USP22: variants seen among roughly 807,000 people sequenced by gnomAD.
USP22 encodes ubiquitin specific peptidase 22, also known as ubiquitin carboxyl-terminal hydrolase 22.
In USP22, 22 loss-of-function variants were observed where a neutral mutation model predicts 68.1. The observed-to-expected ratio is 0.32, with a 90% CI of 0.23 to 0.46. The LOEUF (loss-of-function observed/expected upper bound fraction) is 0.46, where lower values mean the gene tolerates loss of function less well. USP22 is among the 20% of genes least tolerant of loss of function. USP22 has a pLI of 1.00. For missense variants in USP22, 433 were observed against 695.8 expected, an observed-to-expected ratio of 0.62 and a Z score of 4.25; for synonymous variants, 279 against 274.2, an observed-to-expected ratio of 1.02 and a Z score of -0.17.
chr17:21,019,872 C>A (rs1317649409), intron 3 of USP22, among the ~76,000 whole-genome samples: 1 of 152,224 alleles, frequency 6.6e-6, no homozygotes, highest in African/African-American at 2.4e-5. Flanking sequence ...TAGGCCCGTG[C>A]TTTAAGTGCT....
In USP22 at chr17:21,018,062, G is replaced by C; in HGVS notation, c.570C>G (p.Ile190Met). The change falls in exon 5 of 13, where the codon ATC becomes ATG. Residue 190 changes from isoleucine (I) to methionine (M), a missense_variant. By Grantham distance (10) the Ile-to-Met change is conservative (BLOSUM62 1). Around this residue, in one of 4 missense-constraint regions of USP22, gnomAD observed 144 missense variants for 237.2 expected, o/e 0.61. Coordinates refer to ENST00000261497, the MANE Select transcript of USP22 (RefSeq NM_015276.2). ...NLGNTCFMNCIVQALTHTPLL... is the reference protein window; with the variant it reads ...NLGNTCFMNCMVQALTHTPLL... ...GTGGCGTGTGGGTCAGGGCCTGCAC[G>C]ATGCAGTTCATGAAGCATGTGTTCC... is the stretch of plus-strand genomic sequence containing the variant. The C allele has an allele frequency of 6.2e-7, 1 of 1,612,186 alleles. No individual in the cohort carries two copies.
rs1263130512 is a variant in USP22, at chr17:21,018,093, T to C, written c.539A>G (p.Asn180Ser). Residue 180 changes from asparagine to serine, a missense_variant, in exon 5 of 13, where the codon AAC (asparagine) becomes AGC (serine). Around this residue, in one of 4 missense-constraint regions of USP22, gnomAD observed 144 missense variants for 237.2 expected, o/e 0.61. Coordinates refer to ENST00000261497, the MANE Select transcript of USP22 (RefSeq NM_015276.2). The stretch of plus-strand genomic sequence containing the variant: ...GTTCATGAAGCATGTGTTCCCAAGG[T>C]TGATCAGCCCACGCAGACCTGGACA... ...NCTIGLRGLI[N>S]LGNTCFMNCI... 6.2e-7 allele frequency: 1 copy of C among 1,606,572 alleles called. No homozygotes were observed.
intron 4 of USP22, among the ~76,000 whole-genome samples, chr17:21,018,548 C>T (rs1449493493): frequency 2.0e-5 from 3 of 151,992 alleles, no homozygotes; most frequent in Non-Finnish European, 4.4e-5. Context: ...GATGTCTCTA[C>T]GCAAAACACA....
chr17:21,011,406 T>C, intron 7 of USP22, 97 bp from the exon 8 acceptor site: 1 of 1,450,894 alleles, frequency 6.9e-7, no homozygotes, highest in Non-Finnish European at 9.3e-7. Flanking sequence ...CCTTCCCCGC[T>C]GTGCCCTTTG....
At chr17:21,035,251 C>T (rs1972339076) in intron 1 of USP22, among the ~76,000 whole-genome samples, 1 of 152,186 alleles carries the variant, frequency 6.6e-6, no homozygotes, top group African/African-American at 2.4e-5. Flanking sequence ...ACCAGAGCTG[C>T]TAACATATAA....
upstream of USP22, chr17:21,043,161 G>A (rs1972470139): frequency 7.9e-6 from 1 of 126,814 alleles, no homozygotes; most frequent in Non-Finnish European, 1.5e-5. Flanking sequence ...GCACTGCGCA[G>A]TCTCCAGCCC....
chr17:21,043,302 C>CG (rs1972473807), upstream of USP22: 1 of 47,548 alleles, frequency 2.1e-5, no homozygotes, highest in Non-Finnish European at 5.9e-5. Flanking sequence ...GTAGGCCACC[C>CG]CCCCCCCCCC....
At chr17:21,006,742 A>T in intron 10 of USP22, 154 bp downstream of exon 10, 1 of 491,882 alleles carries the variant, frequency 2.0e-6, no homozygotes, top group Non-Finnish European at 3.6e-6. Flanking sequence ...TGACCTCATG[A>T]TCTGCCCGCT....
chr17:21,011,367 C>T, intron 7 of USP22, 58 bp from the exon 8 acceptor site: 1 of 1,545,630 alleles, frequency 6.5e-7, no homozygotes, highest in Non-Finnish European at 8.7e-7. Flanking sequence ...GCTCCAGAGG[C>T]AACCCGGGGT....
At chr17:21,021,298 T>C (rs1972153656) in intron 2 of USP22, 72 bp from the exon 3 acceptor site, 5 of 1,037,826 alleles carry the variant, frequency 4.8e-6, no homozygotes, top group Non-Finnish European at 4.5e-6. Context: ...AGGGCAGAGT[T>C]AAACACAGTG....
At chr17:21,021,800 T>TA (rs1452398646) in intron 2 of USP22, among the ~76,000 whole-genome samples, 1 of 152,152 alleles carries the variant, frequency 6.6e-6, no homozygotes, top group Non-Finnish European at 1.5e-5. Flanking sequence ...CTGCATCTTC[T>TA]AAAAAATGGG....
chr17:21,020,575 A>G (rs1380204318), intron 3 of USP22, among the ~76,000 whole-genome samples: 1 of 152,226 alleles, frequency 6.6e-6, no homozygotes, highest in Non-Finnish European at 1.5e-5. Context: ...TCACCCAAAC[A>G]GTCCAGAGTT....
rs1049810563 is a variant in USP22 at position 21,004,321 on chromosome 17, T to C, written c.1416A>G (p.Gln472=). Reference sequence around the variant, plus strand: ...TGTAGTGGCCACTCTCCAAGGTCCCTTGATGGTTAACAACAGCAAACAGGG... The same window carrying C: ...TGTAGTGGCCACTCTCCAAGGTCCCCTGATGGTTAACAACAGCAAACAGGG... The part of the protein sequence containing the change: ...KYSLFAVVNH[Q]GTLESGHYTS... Residue 472 remains glutamine, a synonymous_variant, in exon 12 of 13, where the codon CAA becomes CAG. Transcript: ENST00000261497. 6.2e-7 allele frequency: 1 copy of C among 1,614,142 alleles called. No homozygotes were observed.
Position 21,001,923 on chromosome 17 carries a change from C to T in USP22, c.*1108G>A, listed in dbSNP as rs1913594400. The T allele has an allele frequency of 6.6e-6, 1 of 152,352 alleles. No homozygotes were observed. The highest frequency in any genetic ancestry group is 1.9e-4 in the East Asian group (1 of 5,190). 9.4% of individuals were successfully genotyped at this position (152,352 alleles called of 1,614,324 possible). On this transcript the variant is annotated 3_prime_UTR_variant, in exon 13 of 13. Transcript: ENST00000261497. ...CAATCACGGTGTCATTTTACTGCCA[C>T]CACGCCCGAAAGTACACCAAATGTA...
chr17:21,025,842 A>G (rs1398106758), intron 2 of USP22, among the ~76,000 whole-genome samples: 1 of 152,200 alleles, frequency 6.6e-6, no homozygotes, highest in South Asian at 2.1e-4. Context: ...GACAGGAGAG[A>G]GAGCAACAGG....
At position 21,031,974 on chromosome 17, in the gene USP22, A is replaced by G. The variant is rs568369690; in HGVS notation, c.172-3300T>C. 1.2e-4 allele frequency among the ~76,000 whole-genome samples: 19 copies of G among 152,364 alleles called. No individual in the cohort carries two copies. The East Asian group carries it at 3.7e-3, about 29-fold the overall frequency. On this transcript the variant is annotated intron_variant, in intron 1 of 12. Coordinates refer to ENST00000261497, the MANE Select transcript of USP22 (RefSeq NM_015276.2). ...TCTCTGACATACTGATAAAACCTCAATCTTATGTCTGGTATAGTCACACAC... is the reference window on the plus strand; with the variant it reads ...TCTCTGACATACTGATAAAACCTCAGTCTTATGTCTGGTATAGTCACACAC...
At chr17:21,022,081 C>T (rs1011492043) in intron 2 of USP22, among the ~76,000 whole-genome samples, 1 of 152,052 alleles carries the variant, frequency 6.6e-6, no homozygotes, top group African/African-American at 2.4e-5. Context: ...GCCTGGGCAA[C>T]AGAGTGAGAC....
At chr17:21,007,381 G>A (rs1190448866) in intron 9 of USP22, among the ~76,000 whole-genome samples, 2 of 152,198 alleles carry the variant, frequency 1.3e-5, no homozygotes, top group African/African-American at 4.8e-5. Flanking sequence ...CAGCAAGCTA[G>A]GAATGGGCGT....
chr17:21,036,315 G>T (rs927352935), intron 1 of USP22, among the ~76,000 whole-genome samples: 13 of 152,116 alleles, frequency 8.5e-5, no homozygotes, highest in Non-Finnish European at 5.9e-5. Context: ...AAAGCACAAA[G>T]AGCAAACCTT....
Sources: allele counts gnomAD v4.1 joint callset (sites outside exome capture counted in the v4.1 genomes callset), GRCh38; gene constraint gnomAD v4.1.1; regional missense constraint gnomAD v4.1.1; transcripts MANE v1.5; gene names NCBI Gene and HGNC (gene_info 2026-07-23, HGNC 2026-07-21).